Variants in PCDHA8 observed in about 807,000 individuals in gnomAD.
PCDHA8 encodes protocadherin alpha 8, also known as protocadherin alpha-8.
In PCDHA8, 53 loss-of-function variants were observed where a neutral mutation model predicts 61.8. The observed-to-expected ratio is 0.86, with a 90% CI of 0.69 to 1.08. The LOEUF is 1.08. Ranked by LOEUF, PCDHA8 falls within the 50% of genes least tolerant of loss-of-function variation. The pLI is 0.00. For synonymous variants in PCDHA8, 618 were observed against 556.6 expected (o/e 1.11, Z -1.55); for missense variants, 1,293 against 1,245.0 (o/e 1.04, Z -0.58).
intron 1 of PCDHA8, chr5:140,967,572 A>G: frequency 6.2e-7 from 1 of 1,613,544 alleles, no homozygotes; most frequent in Non-Finnish European, 8.5e-7. Flanking sequence ...CTACGGGAGG[A>G]CTCACCCCCA....
intron 1 of PCDHA8, chr5:140,860,153 GTATATATATATGTA>G (rs1410832204): frequency 1.4e-5 from 2 of 147,972 alleles, no homozygotes; most frequent in Admixed American, 1.4e-4. Flanking sequence ...GTATATATGT[GTATATATATATGTA>G]TATATATATG....
rs375103611 is a variant in PCDHA8 at position 140,888,367 on chromosome 5, A to G, written c.2394+44652A>G. ...AGGGAATTGCTACTGGCATCTAATAATGGAGCTCTGAGATGCTGCTAAACA... is the reference window on the plus strand; with the variant it reads ...AGGGAATTGCTACTGGCATCTAATAGTGGAGCTCTGAGATGCTGCTAAACA... On this transcript the variant is annotated intron_variant, in intron 1 of 3. Coordinates refer to ENST00000531613, the MANE Select transcript of PCDHA8 (RefSeq NM_018911.3). 3.2e-4 allele frequency among the ~76,000 whole-genome samples: 49 copies of G among 152,322 alleles called. 1 individual carries two copies. In the East Asian group the frequency reaches 7.7e-3, roughly 24 times the overall value.
At chr5:141,007,145 A>C (rs528280563) in intron 3 of PCDHA8, among the ~76,000 whole-genome samples, 1 of 152,330 alleles carries the variant, frequency 6.6e-6, no homozygotes, top group Admixed American at 6.5e-5. Context: ...CTGACAAAGG[A>C]AACTGTCAAA....
chr5:140,875,826 T>C lies in PCDHA8; in HGVS notation c.2394+32111T>C, dbSNP rs367888868. ...TGGACAGGCCGCTGCAGGTTTTCCA[T>C]GTGGACGTGGAGGTGAAGGACATTA... is the stretch of plus-strand genomic sequence containing the variant. On this transcript the variant is annotated intron_variant, in intron 1 of 3. Coordinates refer to ENST00000531613, the MANE Select transcript of PCDHA8 (RefSeq NM_018911.3). 25 of 1,614,126 alleles carry C rather than the reference T, an allele frequency of 1.5e-5. No homozygotes were observed. In the African/African-American group the frequency reaches 2.3e-4, roughly 15 times the overall value.
chr5:140,959,300 C>T (rs887685405), intron 1 of PCDHA8, among the ~76,000 whole-genome samples: 11 of 151,854 alleles, frequency 7.2e-5, no homozygotes, highest in African/African-American at 2.7e-4. Flanking sequence ...TCACTGAGCC[C>T]GGTGGTTGAA....
chr5:140,881,488 AT>A (rs1193131425), intron 1 of PCDHA8: 4 of 334,526 alleles, frequency 1.2e-5, no homozygotes, highest in African/African-American at 8.9e-5. Flanking sequence ...TATTGTGTTT[AT>A]GCACATACAC....
At chr5:140,969,702 C>A (rs1305755991) in intron 1 of PCDHA8, among the ~76,000 whole-genome samples, 1 of 152,144 alleles carries the variant, frequency 6.6e-6, no homozygotes, top group African/African-American at 2.4e-5. Context: ...TCTGCTGTAT[C>A]ATCTACAGGG....
intron 1 of PCDHA8, chr5:140,969,215 C>G (rs782320507): frequency 6.2e-7 from 1 of 1,614,128 alleles, no homozygotes; most frequent in South Asian, 1.1e-5. Flanking sequence ...CCAGACAGGA[C>G]CAGGGCCTTC....
intron 1 of PCDHA8, among the ~76,000 whole-genome samples, chr5:140,885,031 AT>A (rs1165183992): frequency 6.6e-6 from 1 of 152,198 alleles, no homozygotes; most frequent in Non-Finnish European, 1.5e-5. Flanking sequence ...AATTTAAAAA[AT>A]TTTTAGTTTA....
chr5:140,982,413 G>A, intron 2 of PCDHA8, 62 bp from the exon 3 acceptor site: 2 of 1,609,608 alleles, frequency 1.2e-6, no homozygotes, highest in Non-Finnish European at 1.7e-6. Flanking sequence ...TTCTGAGGGT[G>A]GAAGAAGAGA....
rs2150529065 is a variant in PCDHA8, at chr5:140,853,159, G to A, written c.2394+9444G>A. On this transcript the variant is annotated intron_variant, in intron 1 of 3. Coordinates refer to ENST00000531613, the MANE Select transcript of PCDHA8 (RefSeq NM_018911.3). ...CTCCCAAAATGCTGGGATTACAGGC[G>A]TGAGCCACCGCGCCTGGCCTAAAAT... is the stretch of plus-strand genomic sequence containing the variant. The A allele has an allele frequency of 3.8e-5, 35 of 925,908 alleles. 4 individuals are homozygous for A. In the African/African-American group the frequency reaches 3.9e-4, roughly 10 times the overall value. 57.4% of individuals were successfully genotyped at this position (925,908 alleles called of 1,614,324 possible).
rs781985413 is a variant in PCDHA8 at position 140,857,290 on chromosome 5, C to T, written c.2394+13575C>T. On this transcript the variant is annotated intron_variant, in intron 1 of 3. Coordinates refer to ENST00000531613, the MANE Select transcript of PCDHA8 (RefSeq NM_018911.3). ...TGGTGCTGGACAGCGCTCTGGACCG[C>T]GAGAGGGTGTCGGCCTATGAGCTGG... 16 of 1,598,706 alleles carry T rather than the reference C, an allele frequency of 1.0e-5. 2 individuals carry two copies. Among genetic ancestry groups the T allele is most frequent in the Non-Finnish European group, 1.4e-5 (16 of 1,168,040 alleles).
intron 1 of PCDHA8, among the ~76,000 whole-genome samples, chr5:140,964,804 G>A (rs1484818069): frequency 6.6e-6 from 1 of 152,012 alleles, no homozygotes; most frequent in African/African-American, 2.4e-5. Context: ...CAAGAAAGGA[G>A]ACAGGAATAG....
At position 140,870,948 on chromosome 5, in the gene PCDHA8, C is replaced by T. The variant is rs868931274; in HGVS notation, c.2394+27233C>T. ...CATATGAATTGCAGCCGGCGGCGGG[C>T]GGCTCGCGCATCCCGTTCCGCGTGG... On this transcript the variant is annotated intron_variant, in intron 1 of 3. Coordinates refer to ENST00000531613, the MANE Select transcript of PCDHA8 (RefSeq NM_018911.3). 3.0e-5 allele frequency: 49 copies of T among 1,613,584 alleles called. 1 individual carries two copies. The Middle Eastern group carries it at 7.0e-3, about 229-fold the overall frequency.
chr5:140,922,412 G>A lies in PCDHA8; in HGVS notation c.2395-56537G>A, dbSNP rs80310986. Among the ~76,000 whole-genome samples the A allele has an allele frequency of 7.3e-3, 1,117 of 152,260 alleles. 9 individuals carry two copies. Among genetic ancestry groups the A allele is most frequent in the Non-Finnish European group, 0.011 (755 of 68,032 alleles). ...CCTTGTTTTGGATTAAAAAGATCTA[G>A]GTACAGAGGCTGAGGGCAGAACTCT... is the stretch of plus-strand genomic sequence containing the variant. On this transcript the variant is annotated intron_variant, in intron 1 of 3. Coordinates refer to ENST00000531613, the MANE Select transcript of PCDHA8 (RefSeq NM_018911.3).
chr5:140,887,140 A>T (rs1414836088), intron 1 of PCDHA8, among the ~76,000 whole-genome samples: 3 of 150,560 alleles, frequency 2.0e-5, no homozygotes, highest in Non-Finnish European at 4.4e-5. Context: ...TCTGTCGCCC[A>T]GGCTGGAGTA....
At chr5:140,976,666 A>G (rs1260651584) in intron 1 of PCDHA8, among the ~76,000 whole-genome samples, 4 of 152,188 alleles carry the variant, frequency 2.6e-5, no homozygotes, top group African/African-American at 9.6e-5. Flanking sequence ...CAAAGTTCAG[A>G]TGTCTCATTT....
At chr5:140,955,381 T>TG (rs782287731) in intron 1 of PCDHA8, among the ~76,000 whole-genome samples, 4 of 152,136 alleles carry the variant, frequency 2.6e-5, no homozygotes, top group Non-Finnish European at 5.9e-5. Context: ...AATTGAATCA[T>TG]GGGGGCAATT....
rs1286159283 is a variant in PCDHA8 at position 140,856,342 on chromosome 5, C to G, written c.2394+12627C>G. The G allele has an allele frequency of 5.6e-6, 9 of 1,598,384 alleles. 1 individual carries two copies. In the Admixed American group the frequency reaches 1.3e-4, roughly 24 times the overall value. On this transcript the variant is annotated intron_variant, in intron 1 of 3. Transcript: ENST00000531613. ...ACCGCGAGGAGCTGTGCGGGCGGAG[C>G]GTGGAGTGCAGCATCCACCTGGAGG...
Sources: allele counts gnomAD v4.1 joint callset (sites outside exome capture counted in the v4.1 genomes callset), GRCh38; gene constraint gnomAD v4.1.1; transcripts MANE v1.5; gene names NCBI Gene and HGNC (gene_info 2026-07-23, HGNC 2026-07-21).